The following NDUFAF6 variants were observed in gnomAD, a reference collection of about 807,000 sequenced individuals.
NDUFAF6 encodes the protein NADH dehydrogenase (ubiquinone) complex I, assembly factor 6.
In NDUFAF6, 45 loss-of-function variants were observed where a neutral mutation model predicts 40.8. The ratio of observed to expected loss-of-function variants is 1.10; its 90% CI spans 0.87 to 1.42. The LOEUF (loss-of-function observed/expected upper bound fraction) is 1.42. NDUFAF6 is among the 40% of genes most tolerant of loss of function. The pLI is 0.00. For synonymous variants in NDUFAF6, 185 were observed against 155.9 expected (o/e 1.19, Z -1.39); for missense variants, 435 against 418.5 (o/e 1.04, Z -0.34).
At chr8:94,980,148 G>A (rs1825300171) in intron 1 of NDUFAF6, among the ~76,000 whole-genome samples, 1 of 150,592 alleles carries the variant, frequency 6.6e-6, no homozygotes, top group South Asian at 2.1e-4. Context: ...TAGTGGTTAT[G>A]CTTACATGGT....
At chr8:94,901,604 C>G (rs1422971957) in intron 1 of NDUFAF6, among the ~76,000 whole-genome samples, 1 of 152,054 alleles carries the variant, frequency 6.6e-6, no homozygotes, top group Admixed American at 6.6e-5. Flanking sequence ...TATTTTGAGA[C>G]AGAATTTTGC....
At chr8:94,951,737 T>C (rs766163662) in intron 2 of NDUFAF6, among the ~76,000 whole-genome samples, 1 of 152,236 alleles carries the variant, frequency 6.6e-6, no homozygotes, top group Admixed American at 6.5e-5. Flanking sequence ...TATTTTAAAA[T>C]TCTTTGCAGA....
upstream of NDUFAF6, among the ~76,000 whole-genome samples, chr8:95,097,806 C>T (rs374811775): frequency 4.4e-4 from 67 of 152,344 alleles, 2 homozygotes; most frequent in African/African-American, 1.1e-3. Context: ...TGCTCCCAAA[C>T]GACCTAACTT....
intron 1 of NDUFAF6, among the ~76,000 whole-genome samples, chr8:94,931,507 T>A (rs1820388013): frequency 6.6e-6 from 1 of 152,152 alleles, no homozygotes; most frequent in Admixed American, 6.5e-5. Context: ...AAGAGCTGTA[T>A]GATTTTTAAG....
chr8:94,913,544 C>G (rs538002184), intron 1 of NDUFAF6, among the ~76,000 whole-genome samples: 1 of 152,186 alleles, frequency 6.6e-6, no homozygotes, highest in Non-Finnish European at 1.5e-5. Context: ...CGCCGGTAAT[C>G]CCAACACTTT....
At chr8:94,927,004 G>A (rs570572679) in intron 1 of NDUFAF6, 1 of 152,284 alleles carries the variant, frequency 6.6e-6, no homozygotes, top group East Asian at 1.9e-4. Flanking sequence ...GTATTTATGG[G>A]CCTTATAAAA....
rs559717564 is a variant in NDUFAF6 at position 94,984,294 on chromosome 8, A to T, written c.-84+3321A>T. 8.5e-5 allele frequency: 13 copies of T among 152,308 alleles called. 1 individual carries two copies. The South Asian group carries it at 1.9e-3, about 22-fold the overall frequency. 9.4% of individuals were successfully genotyped at this position (152,308 alleles called of 1,614,324 possible). A position where few individuals can be genotyped will look rare whatever the true frequency, so the allele number is the denominator to read the frequency against. On this transcript the variant is annotated intron_variant, in intron 2 of 9. Coordinates refer to the NDUFAF6 transcript ENST00000396111. ...TCATAGAGACCAGTGCTTAACAGTT[A>T]AAAAAACAGGGAGTTAAAATCGTCA...
At chr8:95,005,916 G>A (rs745459833) in intron 2 of NDUFAF6, among the ~76,000 whole-genome samples, 2 of 152,030 alleles carry the variant, frequency 1.3e-5, no homozygotes, top group Non-Finnish European at 2.9e-5. Flanking sequence ...TCCAGAAACC[G>A]GGCAGACGAG....
chr8:95,061,328 A>T (rs1422433285), downstream of NDUFAF6, among the ~76,000 whole-genome samples: 3 of 152,140 alleles, frequency 2.0e-5, no homozygotes, highest in Non-Finnish European at 2.9e-5. Context: ...AGCTCATATA[A>T]ATTGGACTTT....
At chr8:95,001,351 G>A (rs937275573) in intron 2 of NDUFAF6, among the ~76,000 whole-genome samples, 25 of 152,006 alleles carry the variant, frequency 1.6e-4, no homozygotes, top group African/African-American at 6.0e-4. Flanking sequence ...GAAATCTTTT[G>A]GGGGAGTGTG....
chr8:95,081,236 C>T (rs1180694934), intron 2 of NDUFAF6, among the ~76,000 whole-genome samples: 1 of 140,924 alleles, frequency 7.1e-6, no homozygotes, highest in Non-Finnish European at 1.5e-5. Flanking sequence ...GCGATCTCAG[C>T]TCACTATAAC....
chr8:95,093,321 G>A (rs1314866343), intron 2 of NDUFAF6, among the ~76,000 whole-genome samples: 2 of 152,180 alleles, frequency 1.3e-5, no homozygotes, highest in Non-Finnish European at 2.9e-5. Context: ...AGGAATGCAG[G>A]CCTCCTTTCA....
intron 1 of NDUFAF6, among the ~76,000 whole-genome samples, chr8:94,905,456 A>G (rs1379539203): frequency 1.3e-5 from 2 of 152,002 alleles, no homozygotes; most frequent in African/African-American, 2.4e-5. Context: ...TGTTGTAGTG[A>G]GAGGCCTACT....
chr8:94,947,276 A>G (rs372518785), intron 2 of NDUFAF6, among the ~76,000 whole-genome samples: 762 of 73,570 alleles, frequency 0.01, 6 homozygotes, highest in African/African-American at 0.023. Context: ...GGCGGCTCCA[A>G]AAAATATTAA....
chr8:95,044,272 G>A (rs1486911806), intron 4 of NDUFAF6, among the ~76,000 whole-genome samples: 1 of 151,808 alleles, frequency 6.6e-6, no homozygotes, highest in African/African-American at 2.4e-5. Context: ...TTTTCTTTTG[G>A]GGGTCATTAA....
chr8:95,075,280 T>G (rs964281300), intron 9 of NDUFAF6, among the ~76,000 whole-genome samples: 2 of 152,254 alleles, frequency 1.3e-5, no homozygotes, highest in African/African-American at 4.8e-5. Context: ...AATTCATTCA[T>G]TCAGATGAAA....
At chr8:95,116,116 C>A (rs1274509163) in intron 5 of NDUFAF6, among the ~76,000 whole-genome samples, 2 of 151,612 alleles carry the variant, frequency 1.3e-5, no homozygotes, top group East Asian at 1.9e-4. Flanking sequence ...CCAGCCTGGG[C>A]GAAAGAGCGA....
chr8:94,983,255 TC>T (rs1194094385), intron 2 of NDUFAF6, among the ~76,000 whole-genome samples: 17 of 146,814 alleles, frequency 1.2e-4, no homozygotes, highest in African/African-American at 3.9e-4. Context: ...TCTTTGCTAT[TC>T]TTTTTTTTTT....
At chr8:95,034,013 C>G (rs1310989157) in intron 2 of NDUFAF6, 1 of 457,670 alleles carries the variant, frequency 2.2e-6, no homozygotes, top group African/African-American at 2.0e-5. Flanking sequence ...GAAAGGATTA[C>G]TCTTGCTGCT....
Sources: allele counts gnomAD v4.1 joint callset (sites outside exome capture counted in the v4.1 genomes callset), GRCh38; gene constraint gnomAD v4.1.1; transcripts MANE v1.5; gene names NCBI Gene and HGNC (gene_info 2026-07-23, HGNC 2026-07-21).